IL34: variants seen among roughly 807,000 people sequenced by gnomAD.
The protein encoded by IL34 is interleukin 34.
A neutral mutation model predicts 25.3 loss-of-function variants in IL34; 17 were observed. The observed-to-expected ratio is 0.67, with a 90% CI of 0.46 to 1.01. The LOEUF (loss-of-function observed/expected upper bound fraction) is 1.01. Ranked by LOEUF, IL34 falls within the 50% of genes least tolerant of loss-of-function variation. The pLI, the probability that IL34 is intolerant of heterozygous loss-of-function variation, is 0.00. For synonymous variants in IL34, 174 were observed against 140.9 expected (o/e 1.23, Z -1.66); for missense variants, 368 against 312.9 (o/e 1.18, Z -1.33).
chr16:70,622,723 A>G (rs527604421), intron 1 of IL34, among the ~76,000 whole-genome samples: 7 of 152,174 alleles, frequency 4.6e-5, no homozygotes, highest in Admixed American at 3.9e-4. Flanking sequence ...TGGGACTTAA[A>G]GAGTGAGTAC....
chr16:70,605,554 G>C (rs1253426991), intron 1 of IL34, among the ~76,000 whole-genome samples: 1 of 151,988 alleles, frequency 6.6e-6, no homozygotes, highest in Non-Finnish European at 1.5e-5. Context: ...GCTGCTTTTT[G>C]CCTTTATGAA....
chr16:70,648,551 TTAAA>T (rs1358837831), intron 1 of IL34, among the ~76,000 whole-genome samples: 1 of 37,626 alleles, frequency 2.7e-5, no homozygotes, highest in Non-Finnish European at 4.1e-5. Flanking sequence ...GACCCTGTCT[TTAAA>T]AAAAAAAAAA....
chr16:70,612,101 G>C (rs1000535544), intron 1 of IL34, among the ~76,000 whole-genome samples: 2 of 152,180 alleles, frequency 1.3e-5, no homozygotes, highest in East Asian at 3.9e-4. Flanking sequence ...GCCTGTCTCA[G>C]GCTCTGCTTC....
upstream of IL34, among the ~76,000 whole-genome samples, chr16:70,643,994 A>G (rs1273816875): frequency 6.6e-6 from 1 of 152,134 alleles, no homozygotes; most frequent in East Asian, 1.9e-4. Flanking sequence ...TTTTGTTTTG[A>G]GACAGAATCT....
intron 1 of IL34, among the ~76,000 whole-genome samples, chr16:70,641,532 C>T (rs981172217): frequency 1.4e-5 from 2 of 147,954 alleles, no homozygotes; most frequent in African/African-American, 5.0e-5. Context: ...TTCCTCCCTC[C>T]CTCCCTTCCT....
At chr16:70,632,371 A>G (rs1382905900) in intron 1 of IL34, among the ~76,000 whole-genome samples, 1 of 152,202 alleles carries the variant, frequency 6.6e-6, no homozygotes, top group Admixed American at 6.5e-5. Flanking sequence ...CTAGGCTTCT[A>G]CCATGAAGCA....
At chr16:70,641,632 C>G (rs546752235), upstream of IL34, among the ~76,000 whole-genome samples, 1 of 150,690 alleles carries the variant, frequency 6.6e-6, no homozygotes, top group East Asian at 2.0e-4. Context: ...GTGGCATGAT[C>G]ATGGCCTGTT....
chr16:70,625,521 G>T (rs1419618077), intron 1 of IL34, among the ~76,000 whole-genome samples: 2 of 151,920 alleles, frequency 1.3e-5, no homozygotes, highest in African/African-American at 4.8e-5. Context: ...GAGAGAAGGA[G>T]TTGGGGAACT....
chr16:70,649,797 T>TATTTTA (rs958777306), intron 1 of IL34, among the ~76,000 whole-genome samples: 1 of 151,616 alleles, frequency 6.6e-6, no homozygotes, highest in African/African-American at 2.4e-5. Context: ...TTTATTATTT[T>TATTTTA]ATTTTTATTT....
chr16:70,633,177 C>T (rs2051558146), intron 1 of IL34, among the ~76,000 whole-genome samples: 1 of 151,220 alleles, frequency 6.6e-6, no homozygotes, highest in Non-Finnish European at 1.5e-5. Flanking sequence ...GTTGCCCAGG[C>T]ATGTCTCAAA....
chr16:70,648,159 T>A (rs1347930911), intron 1 of IL34, among the ~76,000 whole-genome samples: 1 of 152,184 alleles, frequency 6.6e-6, no homozygotes, highest in Admixed American at 6.5e-5. Flanking sequence ...GATTGGGAGT[T>A]CCTCTGCTCT....
chr16:70,602,939 A>G (rs777218283), intron 1 of IL34, among the ~76,000 whole-genome samples: 1 of 151,760 alleles, frequency 6.6e-6, no homozygotes, highest in Non-Finnish European at 1.5e-5. Flanking sequence ...GCATGAGTCC[A>G]TGTTTCACGG....
Position 70,646,755 on chromosome 16 carries a change from G to A in IL34, c.-193G>A, listed in dbSNP as rs1475765295. ...CCCCCCGGCTGTCCTCCACGCTGCC[G>A]GGCAGATAAGGGCAGCTGCTGCCCT... On this transcript the variant is annotated 5_prime_UTR_variant, in exon 1 of 6. Coordinates refer to ENST00000288098, the MANE Select transcript of IL34 (RefSeq NM_001393494.1). The A allele has an allele frequency of 3.4e-5, 18 of 525,032 alleles. No homozygotes were observed. The highest frequency in any genetic ancestry group is 9.5e-4 in the Middle Eastern group (2 of 2,110). The allele number at this position is 525,032 out of a possible 1,614,324, so 32.5% of individuals were successfully genotyped here. A position where few individuals can be genotyped will look rare whatever the true frequency, so the allele number is the denominator to read the frequency against.
At chr16:70,599,894 G>T (rs2050890223) in intron 1 of IL34, among the ~76,000 whole-genome samples, 1 of 151,924 alleles carries the variant, frequency 6.6e-6, no homozygotes, top group Admixed American at 6.6e-5. Flanking sequence ...TGCCCAGGCT[G>T]GTCTCAAGTT....
rs1468895969 is a variant in IL34 at position 70,633,809 on chromosome 16, T to C, written c.-400-12739T>C. On this transcript the variant is annotated intron_variant, in intron 1 of 6. Coordinates refer to the IL34 transcript ENST00000429149. ...CCTGGTGCTGTGTGGCCTGTGGACC[T>C]CACTGCAGTTTCTCAATCATCACGT... 7.9e-5 allele frequency among the ~76,000 whole-genome samples: 12 copies of C among 152,040 alleles called. No homozygotes were observed. In the East Asian group the frequency reaches 2.3e-3, roughly 29 times the overall value.
chr16:70,641,804 C>T (rs970880381), upstream of IL34, among the ~76,000 whole-genome samples: 1 of 308 alleles, frequency 3.2e-3, no homozygotes, highest in African/African-American at 0.017. Context: ...TGGGCTCAAG[C>T]AATCCACCCC....
chr16:70,652,472 T>C (rs553451199), intron 1 of IL34, among the ~76,000 whole-genome samples: 145 of 152,230 alleles, frequency 9.5e-4, no homozygotes, highest in South Asian at 3.7e-3. Flanking sequence ...AAGAAAAACA[T>C]GAAAAAATCT....
intron 1 of IL34, among the ~76,000 whole-genome samples, chr16:70,630,266 GTCTC>G (rs745675024): frequency 6.6e-6 from 1 of 151,942 alleles, no homozygotes; most frequent in Admixed American, 6.6e-5. Flanking sequence ...TGGAGATGGA[GTCTC>G]TCTGTCGCAC....
At chr16:70,619,858 A>C (rs2051243268) in intron 1 of IL34, among the ~76,000 whole-genome samples, 1 of 152,164 alleles carries the variant, frequency 6.6e-6, no homozygotes, top group Non-Finnish European at 1.5e-5. Context: ...CACAGATGGG[A>C]CGCGGCTTAG....
Sources: gnomAD v4.1 joint callset for allele counts (sites outside exome capture counted in the v4.1 genomes callset) on GRCh38, gnomAD v4.1.1 for gene constraint, MANE v1.5 for transcripts, NCBI Gene and HGNC (gene_info 2026-07-23, HGNC 2026-07-21) for gene names.